Variants in C1orf146 observed in about 807,000 individuals in gnomAD.
C1orf146 encodes the protein protein SPO16 homolog.
C1orf146 carries 22 observed loss-of-function variants against 23.0 expected under a neutral mutation model. The observed-to-expected ratio is 0.96, with a 90% confidence interval of 0.68 to 1.36. The LOEUF is 1.36. Ranked by LOEUF, C1orf146 falls within the 40% of genes most tolerant of loss-of-function variation. C1orf146 has a pLI of 0.00. For synonymous variants in C1orf146, 59 were observed against 65.3 expected, an observed-to-expected ratio of 0.90 and a Z score of 0.47; for missense variants, 199 against 206.8, an observed-to-expected ratio of 0.96 and a Z score of 0.23.
intron 1 of C1orf146, chr1:92,229,245 A>T (rs893072000): frequency 3.1e-5 from 17 of 556,020 alleles, no homozygotes; most frequent in Non-Finnish European, 1.8e-5. Context: ...GCCGCTGGAC[A>T]GCACTGTGTT....
At chr1:92,240,990 C>T (rs56297403) in intron 2 of C1orf146, 3 of 441,156 alleles carry the variant, frequency 6.8e-6, no homozygotes, top group East Asian at 7.7e-5. Context: ...TTTTATGACT[C>T]ATCTAAGGCT....
chr1:92,228,526 G>T (rs1461187544), intron 1 of C1orf146, among the ~76,000 whole-genome samples: 2 of 152,188 alleles, frequency 1.3e-5, no homozygotes, highest in East Asian at 3.8e-4. Flanking sequence ...CTGGCAGAGA[G>T]TTTTTCTAGA....
chr1:92,224,041 T>C (rs1651904628), intron 1 of C1orf146, among the ~76,000 whole-genome samples: 1 of 148,016 alleles, frequency 6.8e-6, no homozygotes, highest in Non-Finnish European at 1.5e-5. Flanking sequence ...TATTTATTTA[T>C]TTATTTATTT....
In C1orf146 at chr1:92,224,174, C is replaced by T. The variant is rs1437371097; in HGVS notation, c.-40+6126C>T. ...CACACCATTCTCCTGCCTCAGCCTC[C>T]CGAGGAGCTGGGACTACAGGCGCCC... On this transcript the variant is annotated intron_variant, in intron 1 of 5. Transcript: ENST00000370375. 3.3e-5 allele frequency among the ~76,000 whole-genome samples: 5 copies of T among 151,864 alleles called. No homozygotes were observed. The East Asian group carries it at 9.7e-4, about 30-fold the overall frequency.
chr1:92,225,030 C>T (rs1389641497), intron 1 of C1orf146, among the ~76,000 whole-genome samples: 1 of 152,000 alleles, frequency 6.6e-6, no homozygotes, highest in Admixed American at 6.6e-5. Flanking sequence ...CATGAGCCAC[C>T]GTGCCCGGCT....
rs754729111 is a variant in C1orf146, at chr1:92,245,600, A to C, written c.469A>C (p.Ile157Leu). ...CAGAATGATAACAGCTAAAGCTTACATCATTGAGCAAAGTCCTGTTTGGAA... is the reference window on the plus strand; with the variant it reads ...CAGAATGATAACAGCTAAAGCTTACCTCATTGAGCAAAGTCCTGTTTGGAA... ...CYRMITAKAY[I>L]IEQSPVWKTL... is the part of the protein sequence containing the mutation. The change falls in exon 6 of 6, where the codon ATC becomes CTC. Residue 157 changes from isoleucine (I) to leucine (L), a missense_variant. Ile to Leu is a conservative substitution (Grantham distance 5, BLOSUM62 2). Transcript: ENST00000370375. 5.6e-6 allele frequency: 9 copies of C among 1,600,770 alleles called. No individual in the cohort carries two copies. In the African/African-American group the frequency reaches 1.2e-4, roughly 22 times the overall value.
intron 1 of C1orf146, chr1:92,229,262 C>T: frequency 1.8e-6 from 1 of 556,774 alleles, no homozygotes; most frequent in South Asian, 1.4e-5. Context: ...TGTTGGCGTA[C>T]AGGTCTTTGA....
At chr1:92,233,763 G>C (rs1189685296) in intron 2 of C1orf146, among the ~76,000 whole-genome samples, 2 of 152,262 alleles carry the variant, frequency 1.3e-5, no homozygotes, top group East Asian at 1.9e-4. Flanking sequence ...TCTTCCATTT[G>C]TTTGTATCTT....
intron 5 of C1orf146, 152 bp downstream of exon 5, chr1:92,245,009 A>G: frequency 1.9e-6 from 1 of 535,084 alleles, no homozygotes; most frequent in Admixed American, 3.1e-5. Context: ...CCCAAGCCTA[A>G]CTCTCTTAAG....
At chr1:92,242,392 ATGTAT>A in intron 3 of C1orf146, 87 bp downstream of exon 3, 3 of 674,388 alleles carry the variant, frequency 4.4e-6, no homozygotes. Flanking sequence ...TAACCATGTA[ATGTAT>A]TATCTTTTGG....
intron 2 of C1orf146, 63 bp downstream of exon 2, chr1:92,231,549 A>G: frequency 8.7e-7 from 1 of 1,146,902 alleles, no homozygotes; most frequent in South Asian, 1.4e-5. Context: ...TTTCATATAG[A>G]ACAACATTTT....
rs764337401 is a variant in C1orf146 at position 92,245,665 on chromosome 1, C to A, written c.534C>A (p.Asn178Lys). The A allele has an allele frequency of 1.1e-4, 167 of 1,566,186 alleles. No individual in the cohort carries two copies. Among genetic ancestry groups the A allele is most frequent in the Non-Finnish European group, 1.4e-4 (163 of 1,161,626 alleles). Reference sequence around the variant, plus strand: ...TAAAACTGAATAGTGATTCAGTTAACCCAAATTAGAGTACCAACTTAATGT... The same window carrying A: ...TAAAACTGAATAGTGATTCAGTTAAACCAAATTAGAGTACCAACTTAATGT... Reference protein sequence around the residue: ...QKIKLNSDSVNPN With the variant: ...QKIKLNSDSVKPN Residue 178 changes from asparagine to lysine, a missense_variant, in exon 6 of 6, where the codon AAC becomes AAA. Physicochemically the swap from Asn to Lys is moderately conservative, Grantham distance 94. Transcript: ENST00000370375.
intron 1 of C1orf146, among the ~76,000 whole-genome samples, chr1:92,227,787 T>A (rs570886954): frequency 1.6e-4 from 25 of 152,202 alleles, no homozygotes; most frequent in Non-Finnish European, 2.9e-4. Context: ...TTCAGTTTAT[T>A]GTTTCCCTTT....
chr1:92,234,018 G>A (rs1055351166), intron 2 of C1orf146, among the ~76,000 whole-genome samples: 30 of 152,140 alleles, frequency 2.0e-4, no homozygotes, highest in African/African-American at 4.3e-4. Flanking sequence ...GGGCTGAGAC[G>A]ATGGGGTTTT....
intron 2 of C1orf146, among the ~76,000 whole-genome samples, chr1:92,239,826 A>T (rs1156800907): frequency 1.3e-5 from 2 of 152,116 alleles, no homozygotes; most frequent in African/African-American, 4.8e-5. Context: ...CATAGGTCAT[A>T]CTTATATTGA....
chr1:92,218,238 C>T (rs941892733), intron 1 of C1orf146, among the ~76,000 whole-genome samples, 190 bp downstream of exon 1: 7 of 152,044 alleles, frequency 4.6e-5, no homozygotes, highest in African/African-American at 1.7e-4. Flanking sequence ...GAAAGGGCTC[C>T]CTCGGGGTTT....
At chr1:92,229,124 C>T (rs1652041210) in intron 1 of C1orf146, 1 of 517,350 alleles carries the variant, frequency 1.9e-6, no homozygotes, top group Non-Finnish European at 3.8e-6. Context: ...CGCCGATCCA[C>T]ACCGAGTACT....
chr1:92,224,932 G>A (rs146808395), intron 1 of C1orf146, among the ~76,000 whole-genome samples: 4 of 151,690 alleles, frequency 2.6e-5, no homozygotes, highest in African/African-American at 4.8e-5. Context: ...TAGTGGAGAC[G>A]GGGTTTCACC....
intron 3 of C1orf146, among the ~76,000 whole-genome samples, chr1:92,242,779 G>A (rs921977022): frequency 3.9e-5 from 6 of 152,184 alleles, no homozygotes; most frequent in Non-Finnish European, 8.8e-5. Context: ...GTTAGTCATG[G>A]ACAAAAGTCC....
Sources: allele counts gnomAD v4.1 joint callset (sites outside exome capture counted in the v4.1 genomes callset), GRCh38; gene constraint gnomAD v4.1.1; transcripts MANE v1.5; gene names NCBI Gene and HGNC (gene_info 2026-07-23, HGNC 2026-07-21).